XYLT1: variants seen among roughly 807,000 people sequenced by gnomAD.
XYLT1 encodes the protein beta-D-xylosyltransferase 1.
XYLT1 carries 36 observed loss-of-function variants against 91.3 expected under a neutral mutation model. The ratio of observed to expected loss-of-function variants is 0.39; its 90% confidence interval spans 0.30 to 0.52. XYLT1 has a LOEUF of 0.52. Ranked by LOEUF, XYLT1 falls within the 20% of genes least tolerant of loss-of-function variation. The pLI, the probability that XYLT1 is intolerant of heterozygous loss-of-function variation, is 0.68. For synonymous variants in XYLT1, 588 were observed against 532.0 expected (o/e 1.11, Z -1.45); for missense variants, 1,242 against 1,284.5 (o/e 0.97, Z 0.51).
rs759221346 is a variant in XYLT1, at chr16:17,141,198, C to T, written c.1542G>A (p.Val514=). The change falls in exon 7 of 12, where the codon GTG becomes GTA. Residue 514 remains valine (V), a synonymous_variant. Transcript: ENST00000261381. The stretch of plus-strand genomic sequence containing the variant: ...AGGAGTAGAACTGTTTCATCTTGGT[C>T]ACCAGATCGTCTGTGGAGAAGGTCA... The part of the protein sequence containing the change: ...EYVTFSTDDL[V]TKMKQFYSYT... The T allele has an allele frequency of 6.2e-7, 1 of 1,614,224 alleles. No individual in the cohort carries two copies. The highest frequency in any genetic ancestry group is 2.2e-5 in the East Asian group (1 of 44,882).
chr16:17,187,161 G>A (rs55925355), intron 5 of XYLT1, among the ~76,000 whole-genome samples: 10 of 152,090 alleles, frequency 6.6e-5, no homozygotes, highest in African/African-American at 2.2e-4. Flanking sequence ...GGAGGCCGAG[G>A]TGGGCAGATC....
At position 17,414,203 on chromosome 16, in the gene XYLT1, T is replaced by G. The variant is rs868457297; in HGVS notation, c.364-56153A>C. 2.6e-5 allele frequency among the ~76,000 whole-genome samples: 4 copies of G among 152,340 alleles called. No individual in the cohort carries two copies. The South Asian group carries it at 8.3e-4, about 32-fold the overall frequency. On this transcript the variant is annotated intron_variant, in intron 1 of 11. Transcript: ENST00000261381. ...CACTAAACTTTCAAGGGCATTGACC[T>G]CACTGTGATGTCACCCAGACATCTC...
At chr16:17,226,058 A>G (rs1204218268) in intron 3 of XYLT1, among the ~76,000 whole-genome samples, 1 of 152,142 alleles carries the variant, frequency 6.6e-6, no homozygotes, top group East Asian at 1.9e-4. Context: ...TCCAGGATGG[A>G]CAGAATGGGG....
intron 2 of XYLT1, among the ~76,000 whole-genome samples, chr16:17,317,895 C>T (rs1405371106): frequency 6.6e-6 from 1 of 152,198 alleles, no homozygotes; most frequent in African/African-American, 2.4e-5. Context: ...CACTATTCCT[C>T]TGCCTGGAAT....
intron 1 of XYLT1, among the ~76,000 whole-genome samples, chr16:17,435,441 C>T (rs933422735): frequency 6.6e-6 from 1 of 152,100 alleles, no homozygotes; most frequent in Non-Finnish European, 1.5e-5. Context: ...CTTTCTTCTA[C>T]GACACAAGCA....
intron 1 of XYLT1, among the ~76,000 whole-genome samples, chr16:17,391,723 C>G (rs2035822165): frequency 6.6e-6 from 1 of 152,158 alleles, no homozygotes; most frequent in East Asian, 1.9e-4. Flanking sequence ...CAAAACTCAT[C>G]TTGAATTGTA....
intron 3 of XYLT1, among the ~76,000 whole-genome samples, chr16:17,232,637 G>A (rs576136017): frequency 1.1e-4 from 16 of 151,860 alleles, no homozygotes; most frequent in African/African-American, 3.9e-4. Context: ...CTGTGAAGGC[G>A]ATGACAGTGG....
chr16:17,299,334 T>C (rs1053081471), intron 2 of XYLT1, among the ~76,000 whole-genome samples: 1 of 152,190 alleles, frequency 6.6e-6, no homozygotes, highest in Admixed American at 6.5e-5. Flanking sequence ...GGGGTGGCAG[T>C]AAGCCCCAGC....
chr16:17,321,747 G>A (rs987230321), intron 2 of XYLT1, among the ~76,000 whole-genome samples: 1 of 151,936 alleles, frequency 6.6e-6, no homozygotes, highest in African/African-American at 2.4e-5. Context: ...AGACATTGTG[G>A]TTCCAGGGAT....
intron 2 of XYLT1, among the ~76,000 whole-genome samples, chr16:17,343,011 A>G (rs1397649321): frequency 6.6e-6 from 1 of 152,258 alleles, no homozygotes; most frequent in African/African-American, 2.4e-5. Context: ...ACATGTTTCC[A>G]GTCACAGCTG....
In XYLT1 at chr16:17,168,075, G is replaced by C. The variant is rs138507359; in HGVS notation, c.1290-9166C>G. ...CAAGTTCGGGACTTGCTGAAGAAGA[G>C]ACAAGAGCAAAAGAACTGGAAAAAA... On this transcript the variant is annotated intron_variant, in intron 5 of 11. Transcript: ENST00000261381. 3.0e-3 allele frequency among the ~76,000 whole-genome samples: 463 copies of C among 152,288 alleles called. 3 individuals carry two copies. Among genetic ancestry groups the C allele is most frequent in the African/African-American group, 0.011 (445 of 41,556 alleles).
chr16:17,384,931 C>T (rs1029134878), intron 1 of XYLT1, among the ~76,000 whole-genome samples: 2 of 145,920 alleles, frequency 1.4e-5, no homozygotes, highest in Non-Finnish European at 3.0e-5. Flanking sequence ...AAAAATCAAT[C>T]GCTGGTGGAA....
In XYLT1 at chr16:17,127,862, C is replaced by A. The variant is rs1347366107; in HGVS notation, c.2028-1G>T. On this transcript the variant is annotated splice_acceptor_variant, in intron 9 of 11. Transcript: ENST00000261381. LOFTEE classifies it high-confidence loss of function. ...TGCTGGGTGGCCCATTGGGTAGTAT[C>A]TGAAAACACAGGCGCTCATGCATTA... is the stretch of plus-strand genomic sequence containing the variant. 6.2e-7 allele frequency: 1 copy of A among 1,612,672 alleles called. No individual in the cohort carries two copies.
chr16:17,116,379 AATAAG>A (rs933735856), intron 11 of XYLT1, among the ~76,000 whole-genome samples: 18 of 152,214 alleles, frequency 1.2e-4, no homozygotes, highest in Admixed American at 3.9e-4. Context: ...CGACTCCTGA[AATAAG>A]ATATTGTTGA....
At chr16:17,215,964 C>G (rs946713228) in intron 3 of XYLT1, among the ~76,000 whole-genome samples, 1 of 152,110 alleles carries the variant, frequency 6.6e-6, no homozygotes. Flanking sequence ...GGGTGGCAGG[C>G]AGGACACATT....
chr16:17,441,095 T>C (rs2036526390), intron 1 of XYLT1, among the ~76,000 whole-genome samples: 1 of 151,930 alleles, frequency 6.6e-6, no homozygotes, highest in East Asian at 1.9e-4. Context: ...AGATGTATTC[T>C]TGCTTTGTCA....
intron 2 of XYLT1, among the ~76,000 whole-genome samples, chr16:17,278,685 T>C (rs1271983408): frequency 6.6e-6 from 1 of 152,204 alleles, no homozygotes; most frequent in Non-Finnish European, 1.5e-5. Flanking sequence ...TTTGCACGAT[T>C]CTCTTGTTTC....
intron 2 of XYLT1, among the ~76,000 whole-genome samples, chr16:17,340,461 G>T (rs1043302392): frequency 6.6e-6 from 1 of 152,184 alleles, no homozygotes; most frequent in African/African-American, 2.4e-5. Context: ...TCCTTACCCA[G>T]GAACATTTTG....
At chr16:17,317,413 G>A (rs762385348) in intron 2 of XYLT1, among the ~76,000 whole-genome samples, 1 of 151,682 alleles carries the variant, frequency 6.6e-6, no homozygotes, top group Non-Finnish European at 1.5e-5. Flanking sequence ...CGGGAGGGTG[G>A]TTTGAGCCCA....
Sources: gnomAD v4.1 joint callset for allele counts (sites outside exome capture counted in the v4.1 genomes callset) on GRCh38, gnomAD v4.1.1 for gene constraint, MANE v1.5 for transcripts, NCBI Gene and HGNC (gene_info 2026-07-23, HGNC 2026-07-21) for gene names.